Variants in ZNF679 observed in about 807,000 individuals in gnomAD.
ZNF679 encodes the protein hypothetical protein MGC42415.
In ZNF679, 10 loss-of-function variants were observed where a neutral mutation model predicts 13.4. The observed-to-expected ratio is 0.75, with a 90% CI of 0.46 to 1.27. ZNF679 has a LOEUF of 1.27. ZNF679 is among the 50% of genes most tolerant of loss of function. ZNF679 has a pLI of 0.00. For missense variants in ZNF679, 525 were observed against 477.8 expected, an observed-to-expected ratio of 1.10 and a Z score of -0.92; for synonymous variants, 179 against 162.5, an observed-to-expected ratio of 1.10 and a Z score of -0.77.
At chr7:64,253,369 G>T (rs554818259) in intron 2 of ZNF679, among the ~76,000 whole-genome samples, 3 of 152,216 alleles carry the variant, frequency 2.0e-5, no homozygotes, top group Admixed American at 2.0e-4. Flanking sequence ...GTTAATGAAG[G>T]CCTAGTCAGT....
chr7:64,238,218 A>T (rs1387152190), intron 1 of ZNF679, among the ~76,000 whole-genome samples: 1 of 152,132 alleles, frequency 6.6e-6, no homozygotes, highest in East Asian at 1.9e-4. Context: ...TCCCAAGAAC[A>T]GGCTGACTTC....
chr7:64,249,054 T>C lies in ZNF679; in HGVS notation c.-64T>C. On this transcript the variant is annotated 5_prime_UTR_variant, in exon 2 of 5. Transcript: ENST00000421025. ...GCTCCAGTTCTTCTCTTCACTGCTC[T>C]GCGTCCTCTGTTCCTAGAGGCCAAG... The C allele has an allele frequency of 1.2e-6, 2 of 1,610,172 alleles. No individual in the cohort carries two copies. The highest frequency in any genetic ancestry group is 1.7e-6 in the Non-Finnish European group (2 of 1,177,590).
At chr7:64,238,474 G>T (rs564114436) in intron 1 of ZNF679, among the ~76,000 whole-genome samples, 1 of 152,250 alleles carries the variant, frequency 6.6e-6, no homozygotes, top group African/African-American at 2.4e-5. Flanking sequence ...TGCACCCTGT[G>T]CCTCCAGGGT....
intron 2 of ZNF679, among the ~76,000 whole-genome samples, chr7:64,256,038 C>T (rs1214301797): frequency 1.3e-5 from 2 of 152,048 alleles, no homozygotes; most frequent in Non-Finnish European, 2.9e-5. Context: ...GCATAGTACC[C>T]AATAGATTTT....
At chr7:64,230,561 A>T (rs910044602) in intron 1 of ZNF679, among the ~76,000 whole-genome samples, 3 of 152,128 alleles carry the variant, frequency 2.0e-5, no homozygotes, top group African/African-American at 7.2e-5. Flanking sequence ...AAAAAAGAAA[A>T]AGAAAAGGGC....
rs1192700581 is a variant in ZNF679, at chr7:64,266,015, T to A, written c.382T>A (p.Cys128Ser). ...SGHDNLQVKT[C>S]KSMGECEVQK... ...ACATGACAATTTACAAGTAAAAACA[T>A]GTAAAAGCATGGGTGAGTGTGAGGT... The change falls in exon 5 of 5, where the codon TGT becomes AGT. Residue 128 changes from cysteine (C) to serine (S), a missense_variant. Physicochemically the swap from Cys to Ser is moderately radical, Grantham distance 112. Coordinates refer to ENST00000421025, the MANE Select transcript of ZNF679 (RefSeq NM_153363.3). The A allele has an allele frequency of 1.2e-6, 2 of 1,613,522 alleles. No individual in the cohort carries two copies. Among genetic ancestry groups the A allele is most frequent in the East Asian group, 4.5e-5 (2 of 44,826 alleles).
intron 1 of ZNF679, among the ~76,000 whole-genome samples, chr7:64,234,447 G>C (rs1312480884): frequency 6.6e-6 from 1 of 152,168 alleles, no homozygotes; most frequent in South Asian, 2.1e-4. Flanking sequence ...GGAGCAAATT[G>C]AGTAAAATGT....
intron 1 of ZNF679, among the ~76,000 whole-genome samples, chr7:64,229,427 C>T (rs1562837319): frequency 6.6e-6 from 1 of 152,106 alleles, no homozygotes; most frequent in Non-Finnish European, 1.5e-5. Context: ...GAAATGACTT[C>T]CCCTTTGACC....
At chr7:64,228,924 C>G (rs894973954) in intron 1 of ZNF679, among the ~76,000 whole-genome samples, 1 of 152,152 alleles carries the variant, frequency 6.6e-6, no homozygotes, top group Non-Finnish European at 1.5e-5. Flanking sequence ...TTATTGTTGG[C>G]TAGGTATGCA....
At position 64,266,552 on chromosome 7, in the gene ZNF679, T is replaced by G. The variant is rs1231686571; in HGVS notation, c.919T>G (p.Leu307Val). 7 of 1,611,942 alleles carry G rather than the reference T, an allele frequency of 4.3e-6. No individual in the cohort carries two copies. Among genetic ancestry groups the G allele is most frequent in the South Asian group, 1.1e-5 (1 of 90,926 alleles). The part of the protein sequence containing the change: ...TCEECGKAFS[L>V]SSSLTYHKRI... ...TGAAGAATGTGGCAAAGCCTTTAGC[T>G]TATCCTCATCCCTCACTTACCACAA... is the stretch of plus-strand genomic sequence containing the variant. The change falls in exon 5 of 5, where the codon TTA (leucine) becomes GTA (valine). Residue 307 changes from leucine to valine, a missense_variant. Leu to Val is a conservative substitution (Grantham distance 32). Coordinates refer to ENST00000421025, the MANE Select transcript of ZNF679 (RefSeq NM_153363.3).
At chr7:64,263,550 G>A (rs1268291739) in intron 4 of ZNF679, among the ~76,000 whole-genome samples, 1 of 152,140 alleles carries the variant, frequency 6.6e-6, no homozygotes, top group Non-Finnish European at 1.5e-5. Flanking sequence ...CCTAATGAGA[G>A]GTGTTTGCAT....
chr7:64,238,665 G>A (rs1176954163), intron 1 of ZNF679, among the ~76,000 whole-genome samples: 2 of 152,214 alleles, frequency 1.3e-5, no homozygotes, highest in Non-Finnish European at 2.9e-5. Context: ...TGGGATTACA[G>A]GCATGAGCCA....
intron 1 of ZNF679, among the ~76,000 whole-genome samples, chr7:64,231,936 A>G (rs1787644999): frequency 2.0e-5 from 3 of 152,226 alleles, no homozygotes; most frequent in Non-Finnish European, 2.9e-5. Flanking sequence ...ATGGGAGTCA[A>G]CGTCTCCTGT....
Position 64,260,929 on chromosome 7 carries a change from G to T in ZNF679, c.262G>T (p.Val88Phe). ...KRNEMVTKHPVMCSHFTQDLP... is the reference protein window; with the variant it reads ...KRNEMVTKHPFMCSHFTQDLP... The stretch of plus-strand genomic sequence containing the variant: ...AAATGAGATGGTAACCAAACACCCA[G>T]GTAAGTGAGAGTGGATGAAGCGGAT... The change falls in exon 4 of 5, where the codon GTT (valine) becomes TTT (phenylalanine). Residue 88 changes from valine (V) to phenylalanine (F), a missense_variant and splice_region_variant. By Grantham distance (50) the Val-to-Phe change is conservative. Transcript: ENST00000421025. 1 of 1,608,816 alleles carries T rather than the reference G, an allele frequency of 6.2e-7. No individual in the cohort carries two copies.
chr7:64,234,413 CT>C (rs923729749), intron 1 of ZNF679, among the ~76,000 whole-genome samples: 2 of 152,178 alleles, frequency 1.3e-5, no homozygotes, highest in Non-Finnish European at 2.9e-5. Flanking sequence ...ATGCGATGCA[CT>C]TTTGCTGACT....
Position 64,266,909 on chromosome 7 carries a change from A to G in ZNF679, c.*40A>G, listed in dbSNP as rs1265483966. Reference sequence around the variant, plus strand: ...GCCTTCAGACCTTATAATACATAAAATAATTTATACTTGAAAAAATCACTA... The same window carrying G: ...GCCTTCAGACCTTATAATACATAAAGTAATTTATACTTGAAAAAATCACTA... On this transcript the variant is annotated 3_prime_UTR_variant, in exon 5 of 5. Transcript: ENST00000421025. 1.4e-6 allele frequency: 2 copies of G among 1,474,062 alleles called. No homozygotes were observed. The highest frequency in any genetic ancestry group is 1.4e-5 in the South Asian group (1 of 69,554). 91.3% of individuals were successfully genotyped at this position (1,474,062 alleles called of 1,614,324 possible).
chr7:64,239,027 G>A (rs920590465), intron 1 of ZNF679, among the ~76,000 whole-genome samples: 9 of 152,092 alleles, frequency 5.9e-5, no homozygotes, highest in East Asian at 1.9e-4. Context: ...AATAAACCCC[G>A]TGGGTGGTAC....
chr7:64,247,201 T>G (rs918910866), intron 1 of ZNF679, among the ~76,000 whole-genome samples: 1 of 152,198 alleles, frequency 6.6e-6, no homozygotes, highest in Admixed American at 6.5e-5. Context: ...GCAAACTGTT[T>G]TATCAGCAAG....
chr7:64,261,912 GCAATGGCAA>G (rs1788082838), intron 4 of ZNF679, among the ~76,000 whole-genome samples: 1 of 143,512 alleles, frequency 7.0e-6, no homozygotes, highest in Admixed American at 7.1e-5. Context: ...AGGCTGCAGT[GCAATGGCAA>G]TTTTGGCTCA....
Sources: allele counts gnomAD v4.1 joint callset (sites outside exome capture counted in the v4.1 genomes callset), GRCh38; gene constraint gnomAD v4.1.1; transcripts MANE v1.5; gene names NCBI Gene and HGNC (gene_info 2026-07-23, HGNC 2026-07-21).